MTARC2: variants seen among roughly 807,000 people sequenced by gnomAD.
MTARC2 encodes MOCO sulphurase C-terminal domain containing 2.
MTARC2 carries 27 observed loss-of-function variants against 35.6 expected under a neutral mutation model. That is an observed-to-expected ratio of 0.76 (90% CI 0.56 to 1.04). The LOEUF is 1.04. Among genes scored for constraint, MTARC2 ranks in the 50% least tolerant of loss-of-function variants. MTARC2 has a pLI of 0.00. For missense variants in MTARC2, 412 were observed against 432.5 expected, an observed-to-expected ratio of 0.95 and a Z score of 0.42; for synonymous variants, 158 against 167.1, an observed-to-expected ratio of 0.95 and a Z score of 0.42.
At chr1:220,754,182 A>G (rs898836325) in intron 1 of MTARC2, among the ~76,000 whole-genome samples, 1 of 152,196 alleles carries the variant, frequency 6.6e-6, no homozygotes, top group Non-Finnish European at 1.5e-5. Context: ...GTACAGCCCC[A>G]ACCTATATGC....
Position 220,761,777 on chromosome 1 carries a change from G to T in MTARC2, c.566G>T (p.Arg189Ile). Residue 189 changes from arginine (R) to isoleucine (I), a missense_variant, in exon 3 of 8, where the codon AGA becomes ATA. Transcript: ENST00000366913. ...CAATTTGAGACAAACATGAAGGGAA[G>T]AACATCAAGAAAACTTCTCCCCACT... ...LVQFETNMKG[R>I]TSRKLLPTLD... The T allele has an allele frequency of 6.2e-7, 1 of 1,613,024 alleles. No individual in the cohort carries two copies. The highest frequency in any genetic ancestry group is 8.5e-7 in the Non-Finnish European group (1 of 1,179,746).
At chr1:220,763,096 C>G in intron 4 of MTARC2, 46 bp downstream of exon 4, 1 of 1,613,756 alleles carries the variant, frequency 6.2e-7, no homozygotes, top group Non-Finnish European at 8.5e-7. Flanking sequence ...ATGTGCTGCT[C>G]GCGGTGCTAA....
Position 220,781,760 on chromosome 1 carries a change from A to C in MTARC2, c.885-18A>C. The C allele has an allele frequency of 6.2e-7, 1 of 1,613,602 alleles. No homozygotes were observed. Among genetic ancestry groups the C allele is most frequent in the East Asian group, 2.2e-5 (1 of 44,856 alleles). ...ATTTCCTTTTTGTGTCTGATGATTG[A>C]ATTTTTGCTTGTTTCAGCTACCGCC... is the stretch of plus-strand genomic sequence containing the variant. On this transcript the variant is annotated intron_variant, in intron 6 of 7. Transcript: ENST00000366913.
At chr1:220,774,135 G>A (rs1032113986) in intron 4 of MTARC2, among the ~76,000 whole-genome samples, 3 of 150,674 alleles carry the variant, frequency 2.0e-5, no homozygotes, top group Non-Finnish European at 4.4e-5. Flanking sequence ...ACGTGATCTC[G>A]GCTCACTGCA....
intron 7 of MTARC2, among the ~76,000 whole-genome samples, chr1:220,782,393 G>A (rs1672097457): frequency 1.3e-5 from 2 of 152,216 alleles, no homozygotes; most frequent in Non-Finnish European, 2.9e-5. Flanking sequence ...TATAATTGAA[G>A]TTTGAAAAAA....
intron 4 of MTARC2, among the ~76,000 whole-genome samples, chr1:220,763,521 AC>A (rs756166215): frequency 1.2e-4 from 18 of 152,138 alleles, no homozygotes; most frequent in Non-Finnish European, 2.4e-4. Context: ...CTCCCAGGGC[AC>A]CCACATGCTC....
At chr1:220,749,386 GACACATAGACATTTCAT>G (rs1292233359) in intron 1 of MTARC2, among the ~76,000 whole-genome samples, 1 of 151,210 alleles carries the variant, frequency 6.6e-6, no homozygotes, top group Non-Finnish European at 1.5e-5. Context: ...TTTTGGGCCT[GACACATAGACATTTCAT>G]ACTTAGGATT....
chr1:220,748,361 C>G lies in MTARC2; in HGVS notation c.-171C>G, dbSNP rs1671032588. On this transcript the variant is annotated 5_prime_UTR_variant, in exon 1 of 8. Coordinates refer to ENST00000366913, the MANE Select transcript of MTARC2 (RefSeq NM_017898.5). ...CTTGGTCACCGCATTAAGGCATTCCCGCTCTCCGCGGAACTGCTCTGCCGT... is the reference window on the plus strand; with the variant it reads ...CTTGGTCACCGCATTAAGGCATTCCGGCTCTCCGCGGAACTGCTCTGCCGT... 4.7e-6 allele frequency: 3 copies of G among 639,682 alleles called. No homozygotes were observed. Among genetic ancestry groups the G allele is most frequent in the Non-Finnish European group, 6.8e-6 (3 of 440,850 alleles). 39.6% of individuals were successfully genotyped at this position (639,682 alleles called of 1,614,324 possible). A position where few individuals can be genotyped will look rare whatever the true frequency, so the allele number is the denominator to read the frequency against.
chr1:220,770,701 G>T, intron 4 of MTARC2: 1 of 403,294 alleles, frequency 2.5e-6, no homozygotes, highest in Non-Finnish European at 3.4e-6. Context: ...AATTCAATTG[G>T]TAGCTGCCCC....
At chr1:220,751,764 C>T (rs1373343925) in intron 1 of MTARC2, among the ~76,000 whole-genome samples, 1 of 152,198 alleles carries the variant, frequency 6.6e-6, no homozygotes, top group African/African-American at 2.4e-5. Flanking sequence ...ACCACATACT[C>T]ATGTTTTACC....
intron 2 of MTARC2, chr1:220,756,435 G>T (rs1671282939): frequency 6.6e-6 from 1 of 152,216 alleles, no homozygotes; most frequent in Non-Finnish European, 1.5e-5. Flanking sequence ...AATTATCTTA[G>T]CAAGCCCATG....
At chr1:220,777,806 G>A (rs1359105981) in intron 4 of MTARC2, among the ~76,000 whole-genome samples, 1 of 152,138 alleles carries the variant, frequency 6.6e-6, no homozygotes, top group Non-Finnish European at 1.5e-5. Flanking sequence ...CCTCCCGTGT[G>A]CAGATGCTTC....
intron 1 of MTARC2, among the ~76,000 whole-genome samples, chr1:220,750,220 G>A (rs1671093359): frequency 2.6e-5 from 4 of 152,206 alleles, no homozygotes; most frequent in Admixed American, 2.6e-4. Context: ...TGAAGGATAA[G>A]AAAAGCCTTC....
intron 2 of MTARC2, among the ~76,000 whole-genome samples, chr1:220,755,500 A>G (rs72472376): frequency 6.6e-6 from 1 of 152,108 alleles, no homozygotes; most frequent in Admixed American, 6.5e-5. Flanking sequence ...AAGGGCTTTT[A>G]TTGTGGTTTC....
At chr1:220,766,205 G>T (rs898670469) in intron 4 of MTARC2, among the ~76,000 whole-genome samples, 6 of 151,892 alleles carry the variant, frequency 4.0e-5, no homozygotes, top group Non-Finnish European at 7.4e-5. Context: ...ACAATTTGGG[G>T]GCCCCTTTAA....
intron 1 of MTARC2, among the ~76,000 whole-genome samples, chr1:220,753,515 C>G (rs1671189961): frequency 6.6e-6 from 1 of 152,154 alleles, no homozygotes; most frequent in Non-Finnish European, 1.5e-5. Flanking sequence ...CAGGACAGGG[C>G]AGAGACGGAG....
Position 220,753,285 on chromosome 1 carries a change from G to A in MTARC2, c.273-1662G>A, listed in dbSNP as rs115011511. On this transcript the variant is annotated intron_variant, in intron 1 of 7. Transcript: ENST00000366913. Reference sequence around the variant, plus strand: ...AAGGTGGTCTCCTCAGTGGGGTGGGGACTTGCTGCTACCCAGTGTCACCAG... The same window carrying A: ...AAGGTGGTCTCCTCAGTGGGGTGGGAACTTGCTGCTACCCAGTGTCACCAG... 3.0e-3 allele frequency among the ~76,000 whole-genome samples: 462 copies of A among 152,214 alleles called. 2 individuals carry two copies. Among genetic ancestry groups the A allele is most frequent in the African/African-American group, 0.011 (450 of 41,548 alleles).
chr1:220,769,907 A>G, intron 4 of MTARC2, among the ~76,000 whole-genome samples: 1 of 133,818 alleles, frequency 7.5e-6, no homozygotes, highest in African/African-American at 2.9e-5. Context: ...TGGCTAACAC[A>G]GTGAAACTCC....
intron 2 of MTARC2, among the ~76,000 whole-genome samples, chr1:220,759,005 C>CTTATT (rs140615177): frequency 0.013 from 2,024 of 152,190 alleles, 31 homozygotes; most frequent in East Asian, 0.06. Flanking sequence ...TTGTTTGTGT[C>CTTATT]TTATCTCTTT....
Sources: allele counts gnomAD v4.1 joint callset (sites outside exome capture counted in the v4.1 genomes callset), GRCh38; gene constraint gnomAD v4.1.1; transcripts MANE v1.5; gene names NCBI Gene and HGNC (gene_info 2026-07-23, HGNC 2026-07-21).